Variants in CPEB3 observed in about 807,000 individuals in gnomAD.
CPEB3 encodes cytoplasmic polyadenylation element binding protein 3.
CPEB3 carries 20 observed loss-of-function variants against 67.2 expected under a neutral mutation model. That is an observed-to-expected ratio of 0.30 (90% CI 0.21 to 0.43). CPEB3 has a LOEUF of 0.43. Ranked by LOEUF, CPEB3 falls within the 20% of genes least tolerant of loss-of-function variation. CPEB3 has a pLI of 1.00. For missense variants in CPEB3, 746 were observed against 968.6 expected (o/e 0.77, Z 3.05); for synonymous variants, 376 against 393.1 (o/e 0.96, Z 0.51).
chr10:92,262,787 CTAAA>C (rs1448621106), intron 1 of CPEB3, among the ~76,000 whole-genome samples: 3 of 152,100 alleles, frequency 2.0e-5, no homozygotes, highest in Admixed American at 6.6e-5. Flanking sequence ...TAACAGCTGC[CTAAA>C]TAATTAGAAT....
chr10:92,172,623 C>A (rs1239766220), intron 4 of CPEB3, among the ~76,000 whole-genome samples: 1 of 152,180 alleles, frequency 6.6e-6, no homozygotes, highest in African/African-American at 2.4e-5. Flanking sequence ...ATGACATTAG[C>A]AACATGCTGA....
intron 2 of CPEB3, among the ~76,000 whole-genome samples, chr10:92,233,508 G>T (rs1324615002): frequency 6.8e-6 from 1 of 146,562 alleles, no homozygotes; most frequent in African/African-American, 2.5e-5. Context: ...CTGCACTCCA[G>T]CTTGGGCGAC....
At chr10:92,081,618 T>A in intron 8 of CPEB3, 117 bp from the exon 9 acceptor site, 1 of 888,408 alleles carries the variant, frequency 1.1e-6, no homozygotes, top group Non-Finnish European at 1.7e-6. Flanking sequence ...AAAACCCATG[T>A]TAAGTATCAT....
At chr10:92,215,100 G>A (rs540122536) in intron 2 of CPEB3, among the ~76,000 whole-genome samples, 5 of 151,454 alleles carry the variant, frequency 3.3e-5, no homozygotes, top group Admixed American at 2.0e-4. Context: ...CACCCACCTT[G>A]GCCACCCAAA....
intron 6 of CPEB3, among the ~76,000 whole-genome samples, chr10:92,116,166 CT>C (rs1286400615): frequency 6.7e-6 from 1 of 149,708 alleles, no homozygotes; most frequent in Non-Finnish European, 1.5e-5. Context: ...ACAGTGTGTA[CT>C]TATGTTAATA....
At chr10:92,250,818 T>G (rs1852261546) in intron 1 of CPEB3, among the ~76,000 whole-genome samples, 2 of 151,416 alleles carry the variant, frequency 1.3e-5, no homozygotes, top group South Asian at 4.2e-4. Flanking sequence ...GCATCCCAAG[T>G]AGCTGGGACT....
chr10:92,264,327 C>CA (rs1216678647), intron 1 of CPEB3, among the ~76,000 whole-genome samples: 880 of 86,522 alleles, frequency 0.01, 7 homozygotes, highest in African/African-American at 0.029. Flanking sequence ...GACTCCATCT[C>CA]AAAAAAAAAA....
At chr10:92,147,939 A>G (rs1846765587) in intron 4 of CPEB3, among the ~76,000 whole-genome samples, 2 of 152,158 alleles carry the variant, frequency 1.3e-5, no homozygotes, top group African/African-American at 4.8e-5. Context: ...CCTAGAAATC[A>G]TCCTTGACAT....
At chr10:92,264,919 A>G (rs1378250020) in intron 1 of CPEB3, among the ~76,000 whole-genome samples, 3 of 152,092 alleles carry the variant, frequency 2.0e-5, no homozygotes, top group African/African-American at 4.8e-5. Context: ...TAATCCTAGC[A>G]CTTTGGGAGG....
At chr10:92,272,915 C>T (rs144107274) in intron 1 of CPEB3, among the ~76,000 whole-genome samples, 544 of 152,226 alleles carry the variant, frequency 3.6e-3, no homozygotes, top group African/African-American at 0.012. Context: ...ATTGCCAAAT[C>T]AGTCGGAAAG....
intron 1 of CPEB3, among the ~76,000 whole-genome samples, chr10:92,283,999 T>C (rs1590620619): frequency 1.3e-5 from 2 of 150,946 alleles, no homozygotes; most frequent in East Asian, 3.9e-4. Flanking sequence ...AGTGCTGGGA[T>C]TACAGGTGTG....
intron 1 of CPEB3, among the ~76,000 whole-genome samples, chr10:92,244,211 G>C (rs1851964310): frequency 6.6e-6 from 1 of 151,792 alleles, no homozygotes; most frequent in African/African-American, 2.4e-5. Context: ...GCTGAGCATG[G>C]TGGCAGGAGC....
At chr10:92,148,918 T>G (rs112527178) in intron 4 of CPEB3, among the ~76,000 whole-genome samples, 4 of 131,012 alleles carry the variant, frequency 3.1e-5, no homozygotes, top group Non-Finnish European at 3.3e-5. Flanking sequence ...TTTTTTTTTT[T>G]GAGACAGAGT....
chr10:92,169,652 A>T (rs141278816), intron 4 of CPEB3, among the ~76,000 whole-genome samples: 206 of 152,270 alleles, frequency 1.4e-3, no homozygotes, highest in Middle Eastern at 6.8e-3. Flanking sequence ...AAAACCAAAG[A>T]TCTGTATATT....
intron 9 of CPEB3, among the ~76,000 whole-genome samples, chr10:92,063,354 G>C (rs1250338935): frequency 1.3e-5 from 2 of 152,186 alleles, no homozygotes; most frequent in African/African-American, 4.8e-5. Flanking sequence ...TAATAGAAAG[G>C]AGGCATTGGC....
chr10:92,070,154 C>T (rs1379069751), intron 9 of CPEB3, among the ~76,000 whole-genome samples: 1 of 152,164 alleles, frequency 6.6e-6, no homozygotes, highest in Non-Finnish European at 1.5e-5. Context: ...TTCTCTAAAA[C>T]ATTATTTCCA....
intron 6 of CPEB3, among the ~76,000 whole-genome samples, chr10:92,141,263 A>C (rs1846402571): frequency 6.6e-6 from 1 of 150,954 alleles, no homozygotes. Flanking sequence ...TGGATTAAGA[A>C]AATGTGGCAC....
chr10:92,172,794 A>G (rs1322255217), intron 4 of CPEB3, among the ~76,000 whole-genome samples: 5 of 152,250 alleles, frequency 3.3e-5, no homozygotes, highest in Admixed American at 3.3e-4. Flanking sequence ...GTGCTCAAGA[A>G]AAGTGGATTT....
chr10:92,274,828 AAAT>A (rs1324112071), intron 1 of CPEB3, among the ~76,000 whole-genome samples: 3 of 152,178 alleles, frequency 2.0e-5, no homozygotes, highest in Admixed American at 6.5e-5. Flanking sequence ...CTATCTCAAA[AAAT>A]AATAATAAAA....
Sources: gnomAD v4.1 joint callset for allele counts (sites outside exome capture counted in the v4.1 genomes callset) on GRCh38, gnomAD v4.1.1 for gene constraint, MANE v1.5 for transcripts, NCBI Gene and HGNC (gene_info 2026-07-23, HGNC 2026-07-21) for gene names.